Variants in SSH2 observed in about 807,000 individuals in gnomAD.
SSH2 encodes slingshot protein phosphatase 2.
In SSH2, 37 loss-of-function variants were observed where a neutral mutation model predicts 135.2. The ratio of observed to expected loss-of-function variants is 0.27; its 90% CI spans 0.21 to 0.36. The LOEUF is 0.36. SSH2 is among the 10% of genes least tolerant of loss of function. The probability of loss-of-function intolerance (pLI) is 1.00; values close to 1 mark genes in which losing one functional copy is unlikely to be tolerated. For missense variants in SSH2, 1,408 were observed against 1,765.3 expected (o/e 0.80, Z 3.63); for synonymous variants, 628 against 646.2 (o/e 0.97, Z 0.43).
intron 9 of SSH2, among the ~76,000 whole-genome samples, chr17:29,670,499 T>G (rs2037448753): frequency 6.6e-6 from 1 of 152,212 alleles, no homozygotes; most frequent in Non-Finnish European, 1.5e-5. Flanking sequence ...CCTTTTCTAG[T>G]AAAGAGCATT....
chr17:29,907,818 C>CTT (rs201612892), intron 1 of SSH2, among the ~76,000 whole-genome samples: 13 of 132,000 alleles, frequency 9.8e-5, no homozygotes, highest in African/African-American at 2.4e-4. Flanking sequence ...CTGACAAAAC[C>CTT]TTTTTTTTTT....
chr17:29,631,966 A>T lies in SSH2; in HGVS notation c.3228T>A (p.Ser1076=). The T allele has an allele frequency of 2.5e-6, 4 of 1,614,182 alleles. No individual in the cohort carries two copies. Among genetic ancestry groups the T allele is most frequent in the Non-Finnish European group, 3.4e-6 (4 of 1,180,024 alleles). The change falls in exon 16 of 16, where the codon TCT becomes TCA. Residue 1076 remains serine, a synonymous_variant. Transcript: ENST00000540801. ...CATCCAGTGTGCAGAGCACAGTGAC[A>T]GATTTTTCCATGTTCACTTTCCTCA... The part of the protein sequence containing the change: ...QGLRKVNMEK[S]VTVLCTLDEN...
At chr17:29,818,998 G>A (rs371944358) in intron 2 of SSH2, among the ~76,000 whole-genome samples, 5 of 152,076 alleles carry the variant, frequency 3.3e-5, no homozygotes, top group East Asian at 3.9e-4. Flanking sequence ...AAGCCGAGGC[G>A]GGCGGATCAC....
intron 3 of SSH2, among the ~76,000 whole-genome samples, chr17:29,734,198 G>A (rs1177187687): frequency 6.6e-6 from 1 of 152,074 alleles, no homozygotes; most frequent in African/African-American, 2.4e-5. Flanking sequence ...TGGGATTATA[G>A]GCATGAGCCA....
intron 8 of SSH2, 137 bp from the exon 9 acceptor site, chr17:29,672,266 A>T (rs1035022260): frequency 6.6e-5 from 40 of 606,004 alleles, no homozygotes; most frequent in Admixed American, 1.2e-4. Context: ...GAAAGTCAAG[A>T]TTCTCCAATT....
At chr17:29,883,762 A>C (rs1279043237) in intron 1 of SSH2, among the ~76,000 whole-genome samples, 1 of 152,020 alleles carries the variant, frequency 6.6e-6, no homozygotes, top group African/African-American at 2.4e-5. Context: ...GTTCCTATCA[A>C]TTATCTCCTG....
intron 2 of SSH2, among the ~76,000 whole-genome samples, chr17:29,829,837 A>ATT (rs35027288): frequency 4.3e-4 from 56 of 130,438 alleles, no homozygotes; most frequent in African/African-American, 7.5e-4. Context: ...AAAGATCAAG[A>ATT]TTTTTTTTTT....
chr17:29,729,143 A>C (rs1261055489), intron 3 of SSH2, among the ~76,000 whole-genome samples: 1 of 152,166 alleles, frequency 6.6e-6, no homozygotes, highest in East Asian at 1.9e-4. Context: ...CCATCTGACA[A>C]GGGATTGATA....
At chr17:29,793,966 T>C in intron 2 of SSH2, 29 bp from the exon 3 acceptor site, 3 of 1,541,158 alleles carry the variant, frequency 1.9e-6, no homozygotes, top group Non-Finnish European at 2.7e-6. Flanking sequence ...AAAAAAAAAA[T>C]TAAAACCTGA....
At chr17:29,692,896 G>C (rs2038548200) in intron 5 of SSH2, among the ~76,000 whole-genome samples, 1 of 152,144 alleles carries the variant, frequency 6.6e-6, no homozygotes, top group Non-Finnish European at 1.5e-5. Context: ...TCCACCAATT[G>C]GTGATTTAAC....
intron 2 of SSH2, 90 bp from the exon 3 acceptor site, chr17:29,794,027 G>T (rs1031140810): frequency 9.6e-6 from 10 of 1,036,688 alleles, no homozygotes; most frequent in African/African-American, 8.1e-5. Context: ...TTCACATGTT[G>T]TGTACTTGAA....
At chr17:29,754,791 C>T in intron 3 of SSH2, among the ~76,000 whole-genome samples, 1 of 152,166 alleles carries the variant, frequency 6.6e-6, no homozygotes, top group Admixed American at 6.5e-5. Context: ...CTCAGCCTCC[C>T]AAGTAGCTGG....
At chr17:29,781,478 T>TC (rs2041839474) in intron 3 of SSH2, among the ~76,000 whole-genome samples, 1 of 138,912 alleles carries the variant, frequency 7.2e-6, no homozygotes, top group South Asian at 2.4e-4. Context: ...GTTTTCTTTT[T>TC]TTTTTTTTTT....
chr17:29,777,823 T>C (rs1209013582), intron 3 of SSH2: 2 of 148,546 alleles, frequency 1.3e-5, no homozygotes, highest in Non-Finnish European at 3.0e-5. Flanking sequence ...AAACCTGATC[T>C]GGACGGTCTT....
intron 7 of SSH2, 142 bp from the exon 8 acceptor site, chr17:29,677,027 T>C: frequency 1.5e-6 from 1 of 678,698 alleles, no homozygotes; most frequent in Non-Finnish European, 2.5e-6. Context: ...AAGTTTTAAC[T>C]AGAGTGTAAG....
intron 11 of SSH2, among the ~76,000 whole-genome samples, chr17:29,661,264 C>T (rs1210805600): frequency 6.6e-6 from 1 of 152,076 alleles, no homozygotes; most frequent in Non-Finnish European, 1.5e-5. Flanking sequence ...GCTCATCATG[C>T]TCTCCTTCTA....
chr17:29,803,454 T>C (rs1264927842), intron 2 of SSH2, among the ~76,000 whole-genome samples: 1 of 152,152 alleles, frequency 6.6e-6, no homozygotes, highest in Non-Finnish European at 1.5e-5. Context: ...CCTCAAAGCA[T>C]GGTATCCTCA....
chr17:29,910,136 A>G (rs1379641849), intron 1 of SSH2, among the ~76,000 whole-genome samples: 1 of 152,008 alleles, frequency 6.6e-6, no homozygotes, highest in African/African-American at 2.4e-5. Flanking sequence ...TGTAGAGACG[A>G]AGTCTTGCTA....
intron 2 of SSH2, among the ~76,000 whole-genome samples, chr17:29,835,861 T>C (rs1022527458): frequency 5.3e-5 from 8 of 150,852 alleles, no homozygotes; most frequent in Admixed American, 4.6e-4. Context: ...GCGACTGTAG[T>C]CACAGGAGAA....
Sources: gnomAD v4.1 joint callset for allele counts (sites outside exome capture counted in the v4.1 genomes callset) on GRCh38, gnomAD v4.1.1 for gene constraint, MANE v1.5 for transcripts, NCBI Gene and HGNC (gene_info 2026-07-23, HGNC 2026-07-21) for gene names.